Variants in THSD7A observed in about 807,000 individuals in gnomAD.
THSD7A encodes thrombospondin type 1 domain containing 7A, also known as thrombospondin type-1 domain-containing protein 7A.
Under a neutral mutation model 231.3 loss-of-function variants are expected in THSD7A, and 96 were observed. The ratio of observed to expected loss-of-function variants is 0.41; its 90% CI spans 0.35 to 0.49. The LOEUF is 0.49. Among genes scored for constraint, THSD7A ranks in the 20% least tolerant of loss-of-function variants. THSD7A has a pLI of 0.05. For synonymous variants in THSD7A, 940 were observed against 743.3 expected (o/e 1.26, Z -4.30); for missense variants, 2,290 against 2,070.2 (o/e 1.11, Z -2.06).
chr7:11,684,384 A>G (rs1779954827), intron 1 of THSD7A, among the ~76,000 whole-genome samples: 1 of 150,604 alleles, frequency 6.6e-6, no homozygotes, highest in Non-Finnish European at 1.5e-5. Context: ...TCCTAGCCAG[A>G]GCAATGAGGC....
intron 2 of THSD7A, among the ~76,000 whole-genome samples, chr7:11,599,576 T>G (rs774371672): frequency 1.3e-5 from 2 of 152,248 alleles, no homozygotes; most frequent in African/African-American, 4.8e-5. Context: ...GTTAACTTTA[T>G]GTAATAGTAT....
intron 2 of THSD7A, among the ~76,000 whole-genome samples, chr7:11,597,546 G>T (rs186056736): frequency 2.6e-5 from 4 of 152,308 alleles, no homozygotes; most frequent in Non-Finnish European, 5.9e-5. Context: ...GCCTTTGGCA[G>T]GCCCCCATAG....
At chr7:11,492,082 A>G (rs1786916552) in intron 6 of THSD7A, among the ~76,000 whole-genome samples, 1 of 151,908 alleles carries the variant, frequency 6.6e-6, no homozygotes, top group Non-Finnish European at 1.5e-5. Flanking sequence ...GCATGCATTC[A>G]CGTCTGTTGT....
rs1362698040 is a variant in THSD7A, at chr7:11,634,122, T to C, written c.1022+2008A>G. On this transcript the variant is annotated intron_variant, in intron 2 of 27. Transcript: ENST00000423059. The surrounding 1 kb of genome is among the most constrained non-coding windows in gnomAD (Gnocchi z 4.1). Reference sequence around the variant, plus strand: ...GGACTTTCTTGATCACACATGATAATTCATATATAATAGAAATATTCACAG... The same window carrying C: ...GGACTTTCTTGATCACACATGATAACTCATATATAATAGAAATATTCACAG... 6.6e-6 allele frequency among the ~76,000 whole-genome samples: 1 copy of C among 152,142 alleles called. No homozygotes were observed. The highest frequency in any genetic ancestry group is 1.5e-5 in the Non-Finnish European group (1 of 67,998).
At chr7:11,825,467 T>A (rs2128188234) in intron 1 of THSD7A, among the ~76,000 whole-genome samples, 1 of 152,244 alleles carries the variant, frequency 6.6e-6, no homozygotes, top group Non-Finnish European at 1.5e-5. Context: ...ATTCGTATTT[T>A]CTAGTGCATT....
chr7:11,472,402 A>G (rs1203363026), intron 8 of THSD7A, among the ~76,000 whole-genome samples: 2 of 152,134 alleles, frequency 1.3e-5, no homozygotes, highest in African/African-American at 4.8e-5. Flanking sequence ...TTCAATTTGC[A>G]TTTTTTGGTT....
intron 6 of THSD7A, among the ~76,000 whole-genome samples, chr7:11,535,114 T>C (rs1548504): frequency 0.27 from 41,645 of 152,076 alleles, 5,877 homozygotes; most frequent in Middle Eastern, 0.39. Context: ...TATCACTAAG[T>C]GGTAAATAAT....
In THSD7A at chr7:11,481,776, C is replaced by G. The variant is rs1367903888; in HGVS notation, c.2017+12G>C. On this transcript the variant is annotated intron_variant, in intron 7 of 27. Transcript: ENST00000423059. ...AAACGAACCTAGATGGCGTCTGAAG[C>G]TGGCGACTCACCTTCTTCACCCGCA... The G allele has an allele frequency of 6.3e-7, 1 of 1,585,344 alleles. No homozygotes were observed. The highest frequency in any genetic ancestry group is 1.7e-5 in the Admixed American group (1 of 57,656).
At chr7:11,761,712 A>G (rs1297311113) in intron 1 of THSD7A, among the ~76,000 whole-genome samples, 2 of 152,014 alleles carry the variant, frequency 1.3e-5, no homozygotes, top group Admixed American at 1.3e-4. Flanking sequence ...TCTCTTTTAA[A>G]CTGCTATTTT....
At chr7:11,702,904 T>C (rs1339667461) in intron 1 of THSD7A, among the ~76,000 whole-genome samples, 1 of 151,252 alleles carries the variant, frequency 6.6e-6, no homozygotes, top group Admixed American at 6.6e-5. Flanking sequence ...GACTTCTTCC[T>C]GCTTCTTGTG....
At chr7:11,617,705 T>C (rs573507255) in intron 2 of THSD7A, among the ~76,000 whole-genome samples, 13 of 152,232 alleles carry the variant, frequency 8.5e-5, no homozygotes, top group Non-Finnish European at 1.8e-4. Context: ...TAGATGTTAA[T>C]GTCTTTGTAG....
intron 6 of THSD7A, among the ~76,000 whole-genome samples, chr7:11,489,436 G>A (rs548182819): frequency 2.0e-5 from 3 of 152,140 alleles, no homozygotes; most frequent in South Asian, 2.1e-4. Context: ...CCTTTGTAAT[G>A]TATGTAAATC....
intron 1 of THSD7A, among the ~76,000 whole-genome samples, chr7:11,639,804 C>T (rs2681046): frequency 0.15 from 22,107 of 152,122 alleles, 1,730 homozygotes; most frequent in Admixed American, 0.2. Flanking sequence ...AAGGAAAACA[C>T]GCATACTGAA....
At chr7:11,741,427 A>G (rs1158712664) in intron 1 of THSD7A, among the ~76,000 whole-genome samples, 3 of 151,910 alleles carry the variant, frequency 2.0e-5, no homozygotes, top group African/African-American at 7.2e-5. Flanking sequence ...TTGGTCAAGT[A>G]TTAAGACATA....
chr7:11,621,804 TC>T (rs1781319218), intron 2 of THSD7A, among the ~76,000 whole-genome samples: 1 of 152,178 alleles, frequency 6.6e-6, no homozygotes, highest in Non-Finnish European at 1.5e-5. Context: ...AGTAATTTTT[TC>T]TCCAAGGAAA....
At chr7:11,383,643 T>C (rs1050850254) in intron 23 of THSD7A, among the ~76,000 whole-genome samples, 2 of 152,008 alleles carry the variant, frequency 1.3e-5, no homozygotes, top group Non-Finnish European at 2.9e-5. Context: ...GTCTTTTGGG[T>C]ATGGAAAGTT....
chr7:11,539,900 A>G (rs1789070010), intron 6 of THSD7A, among the ~76,000 whole-genome samples: 1 of 152,242 alleles, frequency 6.6e-6, no homozygotes. Context: ...TGGAAGGACA[A>G]GCAAAATTAT....
chr7:11,534,783 A>G (rs1467383155), intron 6 of THSD7A, among the ~76,000 whole-genome samples: 3 of 152,220 alleles, frequency 2.0e-5, no homozygotes, highest in Non-Finnish European at 2.9e-5. Context: ...TGAGGAATGC[A>G]TCTGTTGGGT....
intron 2 of THSD7A, among the ~76,000 whole-genome samples, chr7:11,594,099 A>G (rs941179017): frequency 6.6e-6 from 1 of 152,110 alleles, no homozygotes; most frequent in African/African-American, 2.4e-5. Flanking sequence ...AAAAACATGA[A>G]AAGAGTAGAC....
Sources: allele counts gnomAD v4.1 joint callset (sites outside exome capture counted in the v4.1 genomes callset), GRCh38; gene constraint gnomAD v4.1.1; non-coding constraint Gnocchi (gnomAD v3.1); transcripts MANE v1.5; gene names NCBI Gene and HGNC (gene_info 2026-07-23, HGNC 2026-07-21).